Variants in TMEM132C observed in about 807,000 individuals in gnomAD.
TMEM132C encodes the protein transmembrane protein 132C.
Under a neutral mutation model 61.4 loss-of-function variants are expected in TMEM132C, and 29 were observed. The observed-to-expected ratio is 0.47, with a 90% CI of 0.35 to 0.64. TMEM132C has a LOEUF of 0.64. TMEM132C is among the 30% of genes least tolerant of loss of function. TMEM132C has a pLI of 0.00. For missense variants in TMEM132C, 1,408 were observed against 1,476.9 expected (o/e 0.95, Z 0.76); for synonymous variants, 656 against 633.1 (o/e 1.04, Z -0.54).
chr12:128,467,932 G>C (rs552991675), intron 2 of TMEM132C, among the ~76,000 whole-genome samples: 1 of 152,260 alleles, frequency 6.6e-6, no homozygotes, highest in Admixed American at 6.5e-5. Flanking sequence ...TGGAGGAGAG[G>C]GGCATCAATC....
chr12:128,314,792 C>A (rs1441426393), intron 1 of TMEM132C, among the ~76,000 whole-genome samples: 1 of 152,038 alleles, frequency 6.6e-6, no homozygotes. Flanking sequence ...CCTGCTGACA[C>A]CCTGATTTTG....
At chr12:128,270,311 G>A (rs1870466902) in intron 1 of TMEM132C, among the ~76,000 whole-genome samples, 1 of 152,190 alleles carries the variant, frequency 6.6e-6, no homozygotes, top group Non-Finnish European at 1.5e-5. Flanking sequence ...TAGAAAAATA[G>A]AGGCATGAAG....
intron 3 of TMEM132C, among the ~76,000 whole-genome samples, chr12:128,568,137 C>T (rs1271679916): frequency 6.6e-6 from 1 of 152,186 alleles, no homozygotes; most frequent in African/African-American, 2.4e-5. Flanking sequence ...ATTTACTAAA[C>T]AGTGTGATTG....
intron 3 of TMEM132C, among the ~76,000 whole-genome samples, chr12:128,593,334 C>T (rs1875827051): frequency 6.6e-6 from 1 of 151,396 alleles, no homozygotes; most frequent in Non-Finnish European, 1.5e-5. Flanking sequence ...TCTCCTCTCT[C>T]CTTCCCTCTC....
intron 2 of TMEM132C, among the ~76,000 whole-genome samples, chr12:128,460,819 G>T (rs779029976): frequency 1.6e-4 from 24 of 152,130 alleles, no homozygotes; most frequent in Non-Finnish European, 2.5e-4. Context: ...TTGGGATTTT[G>T]CCATTGGAGC....
At position 128,326,169 on chromosome 12, in the gene TMEM132C, G is replaced by A. The variant is rs1250859912; in HGVS notation, c.85+58682G>A. 2.0e-5 allele frequency among the ~76,000 whole-genome samples: 3 copies of A among 151,930 alleles called. No homozygotes were observed. Among genetic ancestry groups the A allele is most frequent in the Admixed American group, 1.3e-4 (2 of 15,260 alleles). On this transcript the variant is annotated intron_variant, in intron 1 of 8. Coordinates refer to ENST00000435159, the MANE Select transcript of TMEM132C (RefSeq NM_001136103.3). This position sits in a 1 kb window ranked among gnomAD's most constrained non-coding sequence, Gnocchi z 5.6. Reference sequence around the variant, plus strand: ...TGTCACATTTTATTGTTTTTATGAGGGTGAGGGAACTGTACAATTATTTAT... The same window carrying A: ...TGTCACATTTTATTGTTTTTATGAGAGTGAGGGAACTGTACAATTATTTAT...
chr12:128,320,594 C>T (rs1332546916), intron 1 of TMEM132C, among the ~76,000 whole-genome samples: 3 of 151,896 alleles, frequency 2.0e-5, no homozygotes, highest in African/African-American at 7.3e-5. Flanking sequence ...GGTAAGACCT[C>T]ATCTCTACAA....
Position 128,491,733 on chromosome 12 carries a change from C to T in TMEM132C, c.975-52224C>T, listed in dbSNP as rs11059716. On this transcript the variant is annotated intron_variant, in intron 2 of 8. Coordinates refer to ENST00000435159, the MANE Select transcript of TMEM132C (RefSeq NM_001136103.3). Reference sequence around the variant, plus strand: ...CCGCTCCTTGGTTCTTTCTCAAGGACGAGGTTGTACCGGCTCTCAACTGCA... The same window carrying T: ...CCGCTCCTTGGTTCTTTCTCAAGGATGAGGTTGTACCGGCTCTCAACTGCA... Among the ~76,000 whole-genome samples the T allele has an allele frequency of 5.3e-5, 8 of 152,084 alleles. No individual in the cohort carries two copies. In the East Asian group the frequency reaches 1.4e-3, roughly 26 times the overall value.
intron 1 of TMEM132C, among the ~76,000 whole-genome samples, chr12:128,407,323 A>G (rs1317503179): frequency 6.6e-6 from 1 of 152,224 alleles, no homozygotes; most frequent in Non-Finnish European, 1.5e-5. Flanking sequence ...GCCATGTGGA[A>G]CTGAGAATCC....
intron 2 of TMEM132C, among the ~76,000 whole-genome samples, chr12:128,527,585 G>A (rs1873128214): frequency 6.6e-6 from 1 of 152,106 alleles, no homozygotes; most frequent in Non-Finnish European, 1.5e-5. Flanking sequence ...GCCCTTTTGG[G>A]GTTTTATTAT....
chr12:128,579,205 A>G (rs1875239569), intron 3 of TMEM132C, among the ~76,000 whole-genome samples: 1 of 152,178 alleles, frequency 6.6e-6, no homozygotes, highest in Non-Finnish European at 1.5e-5. Context: ...GCCACAGTTG[A>G]TGGGGAAGGA....
chr12:128,280,350 G>A (rs1404641570), intron 1 of TMEM132C, among the ~76,000 whole-genome samples: 1 of 152,138 alleles, frequency 6.6e-6, no homozygotes, highest in Admixed American at 6.5e-5. Flanking sequence ...ACCCTCCCTT[G>A]TATCCATCTG....
intron 1 of TMEM132C, among the ~76,000 whole-genome samples, chr12:128,295,183 T>A (rs1871367928): frequency 6.6e-6 from 1 of 152,296 alleles, no homozygotes; most frequent in Non-Finnish European, 1.5e-5. Flanking sequence ...AAATTTATAT[T>A]ATGTTTGAGA....
In TMEM132C at chr12:128,368,430, G is replaced by A. The variant is rs376269982; in HGVS notation, c.86-46302G>A. On this transcript the variant is annotated intron_variant, in intron 1 of 8. Transcript: ENST00000435159. ...GGCACTTTACCTACTTAAACTTTCT[G>A]GGTCTTCGTTTCTCCCTTCCTAAAG... Among the ~76,000 whole-genome samples the A allele has an allele frequency of 3.2e-4, 48 of 152,308 alleles. 1 individual carries two copies. The highest frequency in any genetic ancestry group is 1.2e-3 in the African/African-American group (48 of 41,574).
At chr12:128,338,336 T>TG (rs1445584078) in intron 1 of TMEM132C, among the ~76,000 whole-genome samples, 2 of 152,184 alleles carry the variant, frequency 1.3e-5, no homozygotes, top group Non-Finnish European at 2.9e-5. Flanking sequence ...TTCCGATTAG[T>TG]GGAAGTTTAA....
rs754930551 is a variant in TMEM132C, at chr12:128,415,462, C to A, written c.816C>A (p.Val272=). ...TTSHLQRIGT[V]GLYRAQDSAQ... ...CCCACCTGCAGAGGATCGGCACCGT[C>A]GGCCTTTACCGGGCCCAGGACAGCG... is the stretch of plus-strand genomic sequence containing the variant. The change falls in exon 2 of 9, where the codon GTC becomes GTA. Residue 272 remains valine (V), a synonymous_variant. Coordinates refer to ENST00000435159, the MANE Select transcript of TMEM132C (RefSeq NM_001136103.3). This position sits in a 1 kb window ranked among gnomAD's most constrained non-coding sequence, Gnocchi z 5.8. 5 of 1,551,638 alleles carry A rather than the reference C, an allele frequency of 3.2e-6. No homozygotes were observed. The highest frequency in any genetic ancestry group is 4.4e-6 in the Non-Finnish European group (5 of 1,146,992).
intron 2 of TMEM132C, among the ~76,000 whole-genome samples, chr12:128,440,300 A>ACCATAAGG: frequency 6.6e-6 from 1 of 152,232 alleles, no homozygotes; most frequent in Non-Finnish European, 1.5e-5. Flanking sequence ...TTTTAGTTGT[A>ACCATAAGG]GTTCTCAACT....
At chr12:128,519,295 T>A (rs1413787511) in intron 2 of TMEM132C, among the ~76,000 whole-genome samples, 1 of 152,214 alleles carries the variant, frequency 6.6e-6, no homozygotes. Context: ...TTATCCAAAC[T>A]GGGAATTTTT....
intron 2 of TMEM132C, among the ~76,000 whole-genome samples, chr12:128,505,394 C>T (rs1326179356): frequency 6.6e-6 from 1 of 152,142 alleles, no homozygotes; most frequent in Non-Finnish European, 1.5e-5. Context: ...GTTACTTGCT[C>T]AACTAGCTCT....
Sources: gnomAD v4.1 joint callset for allele counts (sites outside exome capture counted in the v4.1 genomes callset) on GRCh38, gnomAD v4.1.1 for gene constraint, Gnocchi (gnomAD v3.1) non-coding constraint, MANE v1.5 for transcripts, NCBI Gene and HGNC (gene_info 2026-07-23, HGNC 2026-07-21) for gene names.